The following PRKACB variants were observed in gnomAD, a reference collection of about 807,000 sequenced individuals.
PRKACB encodes the protein protein kinase cAMP-activated catalytic subunit beta.
A neutral mutation model predicts 51.4 loss-of-function variants in PRKACB; 16 were observed. The observed-to-expected ratio is 0.31, with a 90% CI of 0.21 to 0.47. PRKACB has a LOEUF of 0.47. Among genes scored for constraint, PRKACB ranks in the 20% least tolerant of loss-of-function variants. The pLI is 1.00. For missense variants in PRKACB, 309 were observed against 464.5 expected, an observed-to-expected ratio of 0.67 and a Z score of 3.08; for synonymous variants, 147 against 154.4, an observed-to-expected ratio of 0.95 and a Z score of 0.35.
At chr1:84,156,641 G>A (rs1306209378) in intron 1 of PRKACB, among the ~76,000 whole-genome samples, 1 of 152,104 alleles carries the variant, frequency 6.6e-6, no homozygotes, top group Non-Finnish European at 1.5e-5. Flanking sequence ...AGTGGTCTGT[G>A]AGCCAGATGC....
chr1:84,222,545 A>G (rs1673893805), intron 9 of PRKACB, among the ~76,000 whole-genome samples: 1 of 152,028 alleles, frequency 6.6e-6, no homozygotes, highest in Non-Finnish European at 1.5e-5. Flanking sequence ...GGTTTTCTGT[A>G]ATGGTAATAT....
chr1:84,202,499 C>G (rs1670417561), intron 7 of PRKACB, among the ~76,000 whole-genome samples, 184 bp from the exon 8 acceptor site: 1 of 151,998 alleles, frequency 6.6e-6, no homozygotes, highest in Non-Finnish European at 1.5e-5. Flanking sequence ...AAATCCTCTC[C>G]TTTGTTTAAT....
intron 9 of PRKACB, among the ~76,000 whole-genome samples, chr1:84,218,845 C>T (rs754522142): frequency 1.1e-4 from 17 of 152,066 alleles, no homozygotes; most frequent in East Asian, 3.9e-4. Context: ...CACCTGGGTA[C>T]GATGATATCT....
intron 8 of PRKACB, chr1:84,204,849 C>G: frequency 1.0e-6 from 1 of 984,368 alleles, no homozygotes; most frequent in Non-Finnish European, 1.2e-6. Flanking sequence ...ATTAATGTGT[C>G]TTCATTTTTA....
At chr1:84,182,713 A>G (rs1287826866) in intron 3 of PRKACB, among the ~76,000 whole-genome samples, 1 of 152,062 alleles carries the variant, frequency 6.6e-6, no homozygotes, top group Non-Finnish European at 1.5e-5. Context: ...GATTTAAAGT[A>G]TATGGACAGT....
intron 1 of PRKACB, among the ~76,000 whole-genome samples, chr1:84,090,955 T>C (rs1648415273): frequency 6.6e-6 from 1 of 151,898 alleles, no homozygotes; most frequent in Admixed American, 6.6e-5. Flanking sequence ...TTCCCAGGAG[T>C]CTTTGTATTC....
At chr1:84,231,874 C>A (rs973742467) in intron 9 of PRKACB, among the ~76,000 whole-genome samples, 31 of 151,760 alleles carry the variant, frequency 2.0e-4, no homozygotes, top group Admixed American at 4.6e-4. Flanking sequence ...AAAACCAGCT[C>A]CTGGATTCAT....
intron 1 of PRKACB, among the ~76,000 whole-genome samples, chr1:84,116,851 G>T (rs1368375888): frequency 6.6e-6 from 1 of 152,080 alleles, no homozygotes; most frequent in Non-Finnish European, 1.5e-5. Context: ...TTCCTGCACT[G>T]TGTCGAATAA....
intron 1 of PRKACB, among the ~76,000 whole-genome samples, chr1:84,088,955 T>C (rs1240840674): frequency 6.6e-6 from 1 of 152,140 alleles, no homozygotes; most frequent in Non-Finnish European, 1.5e-5. Flanking sequence ...ATTTCTGAGA[T>C]CATCTTGGGA....
intron 1 of PRKACB, among the ~76,000 whole-genome samples, chr1:84,090,303 T>C (rs1648355859): frequency 6.6e-6 from 1 of 152,238 alleles, no homozygotes; most frequent in Non-Finnish European, 1.5e-5. Flanking sequence ...CTATTAAATG[T>C]TCACACCTAC....
At chr1:84,206,017 C>A (rs150254566) in intron 8 of PRKACB, among the ~76,000 whole-genome samples, 167 of 152,200 alleles carry the variant, frequency 1.1e-3, no homozygotes, top group African/African-American at 3.5e-3. Context: ...GTTATGGTCT[C>A]TATAGCACCT....
intron 1 of PRKACB, among the ~76,000 whole-genome samples, chr1:84,158,880 G>A (rs1295926751): frequency 6.6e-6 from 1 of 151,934 alleles, no homozygotes; most frequent in African/African-American, 2.4e-5. Flanking sequence ...TGCACTACTT[G>A]TTAAAAAGAA....
intron 9 of PRKACB, among the ~76,000 whole-genome samples, chr1:84,218,615 A>G (rs1286787259): frequency 6.6e-6 from 1 of 152,230 alleles, no homozygotes; most frequent in Admixed American, 6.5e-5. Context: ...TGCAATAAAC[A>G]TGAGGATTCA....
At chr1:84,148,618 A>G (rs371261431) in intron 1 of PRKACB, among the ~76,000 whole-genome samples, 95 of 152,248 alleles carry the variant, frequency 6.2e-4, no homozygotes, top group African/African-American at 2.1e-3. Flanking sequence ...GATCTTTGCA[A>G]TTTATTTTAA....
At chr1:84,155,006 A>G (rs934764843) in intron 1 of PRKACB, among the ~76,000 whole-genome samples, 4 of 152,142 alleles carry the variant, frequency 2.6e-5, no homozygotes, top group Non-Finnish European at 4.4e-5. Context: ...CTTCTACTCA[A>G]TATGATACTG....
chr1:84,131,405 C>G (rs1652191035), intron 1 of PRKACB, among the ~76,000 whole-genome samples: 1 of 151,318 alleles, frequency 6.6e-6, no homozygotes, highest in Non-Finnish European at 1.5e-5. Flanking sequence ...ACTGAAATCT[C>G]TAGAACAACA....
chr1:84,182,827 C>T (rs1367934817), intron 3 of PRKACB, among the ~76,000 whole-genome samples: 1 of 151,950 alleles, frequency 6.6e-6, no homozygotes, highest in Non-Finnish European at 1.5e-5. Context: ...CCCAGGGATA[C>T]TGATGGACAA....
chr1:84,225,224 C>G (rs1674390907), intron 9 of PRKACB, among the ~76,000 whole-genome samples: 1 of 152,156 alleles, frequency 6.6e-6, no homozygotes, highest in Non-Finnish European at 1.5e-5. Flanking sequence ...TGTCCTCATG[C>G]CCCCAAATAG....
chr1:84,167,214 C>T (rs2100759388), intron 1 of PRKACB, among the ~76,000 whole-genome samples: 1 of 151,656 alleles, frequency 6.6e-6, no homozygotes, highest in South Asian at 2.1e-4. Flanking sequence ...GGCCATTTTC[C>T]ACACTGAAAA....
Sources: gnomAD v4.1 joint callset for allele counts (sites outside exome capture counted in the v4.1 genomes callset) on GRCh38, gnomAD v4.1.1 for gene constraint, MANE v1.5 for transcripts, NCBI Gene and HGNC (gene_info 2026-07-23, HGNC 2026-07-21) for gene names.